The following NGEF variants were observed in gnomAD, a reference collection of about 807,000 sequenced individuals.
NGEF encodes the protein ephexin-1.
A neutral mutation model predicts 80.9 loss-of-function variants in NGEF; 31 were observed. The observed-to-expected ratio is 0.38, with a 90% CI of 0.29 to 0.52. NGEF has a LOEUF of 0.52. Among genes scored for constraint, NGEF ranks in the 20% least tolerant of loss-of-function variants. NGEF has a pLI of 0.84. For missense variants in NGEF, 709 were observed against 926.2 expected (o/e 0.77, Z 3.04); for synonymous variants, 371 against 370.2 (o/e 1.00, Z -0.03).
At chr2:232,927,998 A>T in intron 3 of NGEF, 1 of 1,187,662 alleles carries the variant, frequency 8.4e-7, no homozygotes, top group Non-Finnish European at 1.0e-6. Context: ...CAGCAGCTCC[A>T]TAGGGTCGGC....
At chr2:232,966,267 T>G (rs1450779828) in intron 3 of NGEF, among the ~76,000 whole-genome samples, 1 of 152,162 alleles carries the variant, frequency 6.6e-6, no homozygotes. Flanking sequence ...CCTTGGCATG[T>G]GCAAAGCTCT....
Position 232,885,571 on chromosome 2 carries a change from G to A in NGEF, c.1348-202C>T, listed in dbSNP as rs113046064. On this transcript the variant is annotated intron_variant, in intron 9 of 14. Coordinates refer to ENST00000264051, the MANE Select transcript of NGEF (RefSeq NM_019850.3). ...GGGGCAAAGGCAAGTGGGAAAACCT[G>A]TTAGTTTGGGTGGAGAAAGTTGGTG... The A allele has an allele frequency of 1.1e-3, 622 of 575,888 alleles. 4 individuals carry two copies. Among genetic ancestry groups the A allele is most frequent in the Non-Finnish European group, 1.6e-3 (529 of 321,794 alleles). The allele number at this position is 575,888 out of a possible 1,614,324, so 35.7% of individuals were successfully genotyped here. A position where few individuals can be genotyped will look rare whatever the true frequency, so the allele number is the denominator to read the frequency against.
chr2:232,884,009 G>C lies in NGEF; in HGVS notation c.1573C>G (p.Leu525Val), dbSNP rs770491177. The C allele has an allele frequency of 2.5e-6, 4 of 1,612,068 alleles. No individual in the cohort carries two copies. Among genetic ancestry groups the C allele is most frequent in the Non-Finnish European group, 3.4e-6 (4 of 1,179,352 alleles). ...HEIYLFLFND[L>V]LVICRQIPGD... is the part of the protein sequence containing the mutation. ...GGAATCTGCCGGCAGATCACCAGCA[G>C]GTCGTTGAACAGGAAGAGGTAAATT... is the stretch of plus-strand genomic sequence containing the variant. Residue 525 changes from leucine (L) to valine (V), a missense_variant, in exon 11 of 15, where the codon CTG (leucine) becomes GTG (valine). Coordinates refer to ENST00000264051, the MANE Select transcript of NGEF (RefSeq NM_019850.3).
At chr2:232,955,122 C>T (rs1385782492) in intron 3 of NGEF, among the ~76,000 whole-genome samples, 2 of 152,158 alleles carry the variant, frequency 1.3e-5, no homozygotes, top group Non-Finnish European at 2.9e-5. Flanking sequence ...AGCTTGCAGT[C>T]TTTTTTCCTT....
chr2:233,003,568 G>A (rs1695025729), intron 1 of NGEF, among the ~76,000 whole-genome samples: 1 of 152,084 alleles, frequency 6.6e-6, no homozygotes, highest in Non-Finnish European at 1.5e-5. Context: ...GGCCTGAGAA[G>A]CCACTCCACA....
intron 1 of NGEF, among the ~76,000 whole-genome samples, chr2:233,003,557 T>C (rs1318598570): frequency 6.6e-6 from 1 of 152,178 alleles, no homozygotes; most frequent in African/African-American, 2.4e-5. Context: ...GTTCCTGGGC[T>C]GGCCTGAGAA....
chr2:232,912,301 T>C lies in NGEF; in HGVS notation c.828+7983A>G, dbSNP rs570428800. Among the ~76,000 whole-genome samples the C allele has an allele frequency of 5.9e-5, 9 of 152,296 alleles. No individual in the cohort carries two copies. The South Asian group carries it at 1.9e-3, about 32-fold the overall frequency. On this transcript the variant is annotated intron_variant, in intron 5 of 14. Coordinates refer to ENST00000264051, the MANE Select transcript of NGEF (RefSeq NM_019850.3). The stretch of plus-strand genomic sequence containing the variant: ...TTTTTTCTTGTTTAGACTGTTAATA[T>C]GGTGGGTTACATTGACTGATTTTCA...
chr2:232,921,407 G>A (rs1692940157), intron 4 of NGEF, among the ~76,000 whole-genome samples: 1 of 152,176 alleles, frequency 6.6e-6, no homozygotes, highest in African/African-American at 2.4e-5. Flanking sequence ...TCTAGCCCAA[G>A]CGCAAGGGCT....
chr2:232,930,123 GA>G (rs1208943480), intron 3 of NGEF, among the ~76,000 whole-genome samples: 4 of 152,068 alleles, frequency 2.6e-5, no homozygotes, highest in Admixed American at 6.6e-5. Context: ...CGTGAGAGCG[GA>G]GTAATACAGG....
At chr2:232,945,282 AAG>A (rs1693535209) in intron 3 of NGEF, among the ~76,000 whole-genome samples, 1 of 152,094 alleles carries the variant, frequency 6.6e-6, no homozygotes, top group South Asian at 2.1e-4. Context: ...CTAAAAAAAA[AAG>A]AGGCAAATTT....
At chr2:232,940,585 T>C (rs2106296332) in intron 3 of NGEF, among the ~76,000 whole-genome samples, 1 of 152,348 alleles carries the variant, frequency 6.6e-6, no homozygotes, top group South Asian at 2.1e-4. Flanking sequence ...AAATATTTAA[T>C]GTCCAATAAT....
chr2:232,968,621 G>T (rs1035569429), intron 3 of NGEF, among the ~76,000 whole-genome samples: 2 of 151,794 alleles, frequency 1.3e-5, no homozygotes, highest in African/African-American at 4.8e-5. Flanking sequence ...GGATAGGCTG[G>T]TCTCGAACTC....
At chr2:232,973,066 C>T (rs1397561251) in intron 2 of NGEF, among the ~76,000 whole-genome samples, 2 of 152,014 alleles carry the variant, frequency 1.3e-5, no homozygotes, top group Non-Finnish European at 2.9e-5. Flanking sequence ...CGTCCTTACC[C>T]ATTTGTCAAG....
intron 1 of NGEF, among the ~76,000 whole-genome samples, chr2:233,002,340 T>A (rs1397721120): frequency 3.3e-5 from 5 of 152,190 alleles, no homozygotes; most frequent in African/African-American, 1.2e-4. Flanking sequence ...AAAGGCAATC[T>A]GTAGAAAATA....
chr2:232,893,253 G>A (rs910599853), intron 6 of NGEF, among the ~76,000 whole-genome samples: 4 of 152,210 alleles, frequency 2.6e-5, no homozygotes, highest in South Asian at 2.1e-4. Flanking sequence ...GTGTTTTCAC[G>A]GGGCTGATGG....
In NGEF at chr2:232,965,082, G is replaced by T. The variant is rs367982031; in HGVS notation, c.383+5132C>A. 5.9e-5 allele frequency among the ~76,000 whole-genome samples: 9 copies of T among 152,296 alleles called. No homozygotes were observed. In the East Asian group the frequency reaches 1.7e-3, roughly 29 times the overall value. ...AAATCACCTTTATGAATATGCTAAC[G>T]ACAGCGACGATTCCAAAAACAAACC... On this transcript the variant is annotated intron_variant, in intron 3 of 14. Coordinates refer to ENST00000264051, the MANE Select transcript of NGEF (RefSeq NM_019850.3).
intron 5 of NGEF, among the ~76,000 whole-genome samples, chr2:232,897,026 G>A (rs1223742490): frequency 6.3e-5 from 8 of 127,082 alleles, no homozygotes; most frequent in African/African-American, 2.5e-4. Flanking sequence ...GAGTGTGGGG[G>A]TAGGAGTGGG....
At chr2:232,882,296 T>C in intron 12 of NGEF, 31 bp from the exon 13 acceptor site, 3 of 1,596,352 alleles carry the variant, frequency 1.9e-6, no homozygotes, top group Non-Finnish European at 2.6e-6. Flanking sequence ...GTGCCCCAAC[T>C]GCAGATCAAC....
chr2:232,972,478 C>T (rs1410443608), intron 2 of NGEF, among the ~76,000 whole-genome samples: 4 of 149,494 alleles, frequency 2.7e-5, no homozygotes, highest in South Asian at 2.2e-4. Flanking sequence ...TGTTGGATGG[C>T]GCTACTGTAA....
Sources: allele counts gnomAD v4.1 joint callset (sites outside exome capture counted in the v4.1 genomes callset), GRCh38; gene constraint gnomAD v4.1.1; transcripts MANE v1.5; gene names NCBI Gene and HGNC (gene_info 2026-07-23, HGNC 2026-07-21).